Variants in SPSB3 observed in about 807,000 individuals in gnomAD.
SPSB3 encodes the protein splA/ryanodine receptor domain and SOCS box containing 3.
Under a neutral mutation model 29.5 loss-of-function variants are expected in SPSB3, and 18 were observed. That is an observed-to-expected ratio of 0.61 (90% CI 0.42 to 0.91). The LOEUF (loss-of-function observed/expected upper bound fraction) is 0.91. Ranked by LOEUF, SPSB3 falls within the 40% of genes least tolerant of loss-of-function variation. The pLI is 0.00. For missense variants in SPSB3, 540 were observed against 507.5 expected, an observed-to-expected ratio of 1.06 and a Z score of -0.61; for synonymous variants, 299 against 214.1, an observed-to-expected ratio of 1.40 and a Z score of -3.46.
intron 3 of SPSB3, 37 bp downstream of exon 3, chr16:1,778,398 C>T (rs1318803064): frequency 1.9e-6 from 3 of 1,605,842 alleles, no homozygotes; most frequent in African/African-American, 1.3e-5. Context: ...GGCCCGCCCG[C>T]AGTGCAGTCC....
chr16:1,777,636 C>A, intron 6 of SPSB3, 111 bp downstream of exon 6: 2 of 1,529,830 alleles, frequency 1.3e-6, no homozygotes, highest in South Asian at 1.2e-5. Context: ...GGGCCTCAGG[C>A]TTCTGGGAGG....
In SPSB3 at chr16:1,778,538, G is replaced by A. The variant is rs2042748694; in HGVS notation, c.201C>T (p.Gly67=). ...GCCCAGCACAGTCACAGAAGGACTC[G>A]CCGGTCACGGGCACCGCACTGGGGA... ...PSIPSAVPVT[G]ESFCDCAGQS... is the part of the protein sequence containing the mutation. Residue 67 remains glycine (G), a synonymous_variant, in exon 3 of 7, where the codon GGC becomes GGT. Transcript: ENST00000566339. 10 of 1,609,034 alleles carry A rather than the reference G, an allele frequency of 6.2e-6. No individual in the cohort carries two copies. Among genetic ancestry groups the A allele is most frequent in the Non-Finnish European group, 7.6e-6 (9 of 1,177,428 alleles).
rs778522080 is a variant in SPSB3 at position 1,781,251 on chromosome 16, G to A, written c.126+107C>T. On this transcript the variant is annotated intron_variant, in intron 2 of 6. Transcript: ENST00000566339. ...TTGGACTGGTCCTCTAGCCTCAGAA[G>A]CATCTTTTTCTCCGACTGATTCCGT... 5.6e-6 allele frequency: 9 copies of A among 1,604,666 alleles called. No individual in the cohort carries two copies. In the East Asian group the frequency reaches 1.8e-4, roughly 32 times the overall value.
At chr16:1,781,579 C>T in intron 1 of SPSB3, 84 bp from the exon 2 acceptor site, 1 of 1,471,856 alleles carries the variant, frequency 6.8e-7, no homozygotes, top group Non-Finnish European at 9.2e-7. Flanking sequence ...CGGACCCACT[C>T]AAAGTGGGGA....
chr16:1,781,617 A>C, intron 1 of SPSB3, 122 bp from the exon 2 acceptor site: 1 of 1,076,620 alleles, frequency 9.3e-7, no homozygotes, highest in Non-Finnish European at 1.3e-6. Context: ...GTGCCCAGCC[A>C]GGGCTCCAGA....
intron 5 of SPSB3, 29 bp downstream of exon 5, chr16:1,777,917 G>C: frequency 6.2e-7 from 1 of 1,611,834 alleles, no homozygotes; most frequent in Non-Finnish European, 8.5e-7. Context: ...CTCCAGGCTC[G>C]GCCCCGCCCC....
chr16:1,777,873 C>T lies in SPSB3; in HGVS notation c.596-1G>A, dbSNP rs1567229847. 6.2e-7 allele frequency: 1 copy of T among 1,612,306 alleles called. No individual in the cohort carries two copies. Among genetic ancestry groups the T allele is most frequent in the Non-Finnish European group, 8.5e-7 (1 of 1,179,782 alleles). ...TTGTCGCCCTTGTGGTGGAGGAGGCCTGGGGGCAGCCAGGGTCGCAGTGAG... is the reference window on the plus strand; with the variant it reads ...TTGTCGCCCTTGTGGTGGAGGAGGCTTGGGGGCAGCCAGGGTCGCAGTGAG... On this transcript the variant is annotated splice_acceptor_variant, in intron 5 of 6. Transcript: ENST00000566339. LOFTEE classifies it high-confidence loss of function.
chr16:1,781,677 AC>A (rs1444398790), intron 1 of SPSB3, 182 bp from the exon 2 acceptor site: 3 of 610,602 alleles, frequency 4.9e-6, no homozygotes, highest in Non-Finnish European at 8.5e-6. Flanking sequence ...GCTCAATAAA[AC>A]CCAGGTAGAT....
chr16:1,781,240 T>C (rs2141992667), intron 2 of SPSB3, 118 bp downstream of exon 2: 2 of 1,597,542 alleles, frequency 1.3e-6, no homozygotes, highest in Middle Eastern at 1.7e-4. Context: ...ACTGGTCCTC[T>C]AGCCTCAGAA....
Position 1,777,019 on chromosome 16 carries a change from G to A in SPSB3, c.*78C>T. On this transcript the variant is annotated 3_prime_UTR_variant, in exon 7 of 7. Coordinates refer to ENST00000566339, the MANE Select transcript of SPSB3 (RefSeq NM_080861.4). ...CCAACTCCGCCCTGGAGTGTGGCTG[G>A]AAGGAAGGGACAGAGAAAGAAGGGA... The A allele has an allele frequency of 3.3e-6, 5 of 1,502,064 alleles. No individual in the cohort carries two copies. Among genetic ancestry groups the A allele is most frequent in the Non-Finnish European group, 4.5e-6 (5 of 1,109,084 alleles). 93.0% of individuals were successfully genotyped at this position (1,502,064 alleles called of 1,614,324 possible). A position where few individuals can be genotyped will look rare whatever the true frequency, so the allele number is the denominator to read the frequency against.
At chr16:1,778,397 G>A (rs775581867) in intron 3 of SPSB3, 38 bp downstream of exon 3, 82 of 1,605,808 alleles carry the variant, frequency 5.1e-5, no homozygotes, top group Middle Eastern at 1.7e-4. Flanking sequence ...AGGCCCGCCC[G>A]CAGTGCAGTC....
chr16:1,782,113 T>G (rs1351895771), intron 1 of SPSB3: 3 of 153,842 alleles, frequency 2.0e-5, no homozygotes, highest in African/African-American at 7.2e-5. Flanking sequence ...GCCACCTGCC[T>G]GGCACCTCCC....
Position 1,777,874 on chromosome 16 carries a change from T to C in SPSB3, c.596-2A>G. On this transcript the variant is annotated splice_acceptor_variant, in intron 5 of 6. Coordinates refer to ENST00000566339, the MANE Select transcript of SPSB3 (RefSeq NM_080861.4). LOFTEE classifies it high-confidence loss of function. ...TGTCGCCCTTGTGGTGGAGGAGGCC[T>C]GGGGGCAGCCAGGGTCGCAGTGAGC... The C allele has an allele frequency of 6.2e-7, 1 of 1,612,256 alleles. No homozygotes were observed. Among genetic ancestry groups the C allele is most frequent in the Non-Finnish European group, 8.5e-7 (1 of 1,179,770 alleles).
intron 1 of SPSB3, chr16:1,781,765 C>A: frequency 4.1e-6 from 2 of 484,724 alleles, no homozygotes; most frequent in Non-Finnish European, 7.4e-6. Flanking sequence ...ACCTCACGAA[C>A]CTGGCTGCCC....
At chr16:1,778,791 C>G (rs2042752801) in intron 2 of SPSB3, 179 bp from the exon 3 acceptor site, 1 of 620,770 alleles carries the variant, frequency 1.6e-6, no homozygotes, top group Admixed American at 3.6e-5. Flanking sequence ...CGGGCTCCGG[C>G]TCTGCCCCAT....
At position 1,777,921 on chromosome 16, in the gene SPSB3, C is replaced by G; in HGVS notation, c.595+25G>C. ...GAGCCCGGGAGCTCCAGGCTCGGCC[C>G]CGCCCCACCCTGGGCCTCACGCACC... On this transcript the variant is annotated intron_variant, in intron 5 of 6. Coordinates refer to ENST00000566339, the MANE Select transcript of SPSB3 (RefSeq NM_080861.4). 5 of 1,612,072 alleles carry G rather than the reference C, an allele frequency of 3.1e-6. No homozygotes were observed. In the South Asian group the frequency reaches 3.3e-5, roughly 11 times the overall value.
chr16:1,777,440 A>G lies in SPSB3; in HGVS notation c.725T>C (p.Val242Ala), dbSNP rs1232507563. The change falls in exon 7 of 7, where the codon GTG (valine) becomes GCG (alanine). Residue 242 changes from valine to alanine, a missense_variant. Val to Ala is a moderately conservative substitution (Grantham distance 64). Transcript: ENST00000566339. ...CTTGTTCTGCAGCTTGGTGGCTGCCACACCTGGAAGGGAGGGGCCCAGCCT... is the reference window on the plus strand; with the variant it reads ...CTTGTTCTGCAGCTTGGTGGCTGCCGCACCTGGAAGGGAGGGGCCCAGCCT... ...TFFKNRKCIG[V>A]AATKLQNKRF... 2.0e-6 allele frequency: 3 copies of G among 1,512,686 alleles called. No homozygotes were observed. The highest frequency in any genetic ancestry group is 2.7e-6 in the Non-Finnish European group (3 of 1,131,726). 93.7% of individuals were successfully genotyped at this position (1,512,686 alleles called of 1,614,324 possible). A position where few individuals can be genotyped will look rare whatever the true frequency, so the allele number is the denominator to read the frequency against.
intron 2 of SPSB3, 195 bp from the exon 3 acceptor site, chr16:1,778,807 A>C: frequency 5.5e-6 from 3 of 547,906 alleles, no homozygotes; most frequent in Non-Finnish European, 9.1e-6. Flanking sequence ...CCCATTCTGC[A>C]TGACCAGGAG....
rs766018762 is a variant in SPSB3, at chr16:1,777,836, G to A, written c.632C>T (p.Ser211Leu). The change falls in exon 6 of 7, where the codon TCA becomes TTA. Residue 211 changes from serine (S) to leucine (L), a missense_variant. By Grantham distance (145) the Ser-to-Leu change is moderately radical. Transcript: ENST00000566339. The part of the protein sequence containing the change: ...LHHKGDKTSF[S>L]SRFGQGSIIG... ...GATGGAGCCCTGGCCGAACCGCGAT[G>A]AGAAGCTGGTCTTGTCGCCCTTGTG... 9 of 1,612,634 alleles carry A rather than the reference G, an allele frequency of 5.6e-6. No individual in the cohort carries two copies. The highest frequency in any genetic ancestry group is 2.7e-5 in the African/African-American group (2 of 74,906).
Sources: gnomAD v4.1 joint callset for allele counts on GRCh38, gnomAD v4.1.1 for gene constraint, MANE v1.5 for transcripts, NCBI Gene and HGNC (gene_info 2026-07-23, HGNC 2026-07-21) for gene names.